Variants in IFNLR1 observed in about 807,000 individuals in gnomAD.
IFNLR1 encodes CRF2-12.
Under a neutral mutation model 52.5 loss-of-function variants are expected in IFNLR1, and 28 were observed. The observed-to-expected ratio is 0.53, with a 90% CI of 0.40 to 0.73. IFNLR1 has a LOEUF of 0.73. Among genes scored for constraint, IFNLR1 ranks in the 30% least tolerant of loss-of-function variants. The probability of loss-of-function intolerance (pLI) is 0.00; values close to 1 mark genes in which losing one functional copy is unlikely to be tolerated. For synonymous variants in IFNLR1, 276 were observed against 274.9 expected, an observed-to-expected ratio of 1.00 and a Z score of -0.04; for missense variants, 623 against 659.1, an observed-to-expected ratio of 0.95 and a Z score of 0.60.
chr1:24,162,876 T>TTTCCTTCCTTCC lies in IFNLR1; in HGVS notation c.368-1204_368-1193dup, dbSNP rs752104875. 5.1e-3 allele frequency among the ~76,000 whole-genome samples: 116 copies of TTTCCTTCCTTCC among 22,530 alleles called. 4 individuals are homozygous for TTTCCTTCCTTCC. Among genetic ancestry groups the TTTCCTTCCTTCC allele is most frequent in the African/African-American group, 8.2e-3 (41 of 5,002 alleles). 14.8% of individuals were successfully genotyped at this position (22,530 alleles called of 152,430 possible). A position where few individuals can be genotyped will look rare whatever the true frequency, so the allele number is the denominator to read the frequency against. ...CTTTCTTTCTTTCTTTCTTTCTTTC[T>TTTCCTTCCTTCC]TTCCTTCCTTCCTTCCTTCCTTCCT... is the stretch of plus-strand genomic sequence containing the variant. On this transcript the variant is annotated intron_variant, in intron 3 of 6. Transcript: ENST00000327535.
Position 24,187,172 on chromosome 1 carries a change from C to A in IFNLR1, c.58+19G>T. 1 of 1,360,484 alleles carries A rather than the reference C, an allele frequency of 7.4e-7. No homozygotes were observed. Among genetic ancestry groups the A allele is most frequent in the South Asian group, 1.6e-5 (1 of 60,866 alleles). The allele number at this position is 1,360,484 out of a possible 1,614,324, so 84.3% of individuals were successfully genotyped here. A position where few individuals can be genotyped will look rare whatever the true frequency, so the allele number is the denominator to read the frequency against. On this transcript the variant is annotated intron_variant, in intron 1 of 6. Coordinates refer to ENST00000327535, the MANE Select transcript of IFNLR1 (RefSeq NM_170743.4). ...GGGGAGCCCTCTTCCCCCTCCCTCC[C>A]GCGGCCCCGCGCCCTTACCTGGAGC...
chr1:24,158,539 T>G (rs1644406424), intron 6 of IFNLR1, among the ~76,000 whole-genome samples: 1 of 152,152 alleles, frequency 6.6e-6, no homozygotes, highest in South Asian at 2.1e-4. Context: ...AAGCTGCCCC[T>G]GCCAGCCCTC....
rs142227401 is a variant in IFNLR1, at chr1:24,174,432, G to C, written c.183-4831C>G. On this transcript the variant is annotated intron_variant, in intron 2 of 6. Coordinates refer to ENST00000327535, the MANE Select transcript of IFNLR1 (RefSeq NM_170743.4). ...AATGGGTAGAATCTTGAAGTTTGAA[G>C]TGCATGTTAGAGAAAGCCTATATTG... Among the ~76,000 whole-genome samples the C allele has an allele frequency of 4.4e-4, 67 of 152,308 alleles. No homozygotes were observed. In the South Asian group the frequency reaches 0.011, roughly 24 times the overall value.
At chr1:24,170,847 C>T (rs1644571802) in intron 2 of IFNLR1, among the ~76,000 whole-genome samples, 1 of 152,204 alleles carries the variant, frequency 6.6e-6, no homozygotes, top group South Asian at 2.1e-4. Flanking sequence ...TCAAGGATTG[C>T]TCCTGGGTTT....
intron 6 of IFNLR1, 131 bp downstream of exon 6, chr1:24,158,921 C>T: frequency 2.1e-6 from 2 of 974,732 alleles, no homozygotes; most frequent in Non-Finnish European, 3.1e-6. Flanking sequence ...GAAATTCAGA[C>T]ACAAAGATAG....
At position 24,154,197 on chromosome 1, in the gene IFNLR1, T is replaced by TAAA. The variant is rs1475378378; in HGVS notation, c.*2930_*2932dup. ...TTCTTTAAAAATAGAGCTCTTTATT[T>TAAA]AAACAGTTTAGGGTAATACCAACAA... On this transcript the variant is annotated 3_prime_UTR_variant, in exon 7 of 7. Transcript: ENST00000327535. 1.3e-5 allele frequency: 2 copies of TAAA among 152,202 alleles called. No homozygotes were observed. The highest frequency in any genetic ancestry group is 2.1e-4 in the South Asian group (1 of 4,826). 9.4% of individuals were successfully genotyped at this position (152,202 alleles called of 1,614,324 possible). A position where few individuals can be genotyped will look rare whatever the true frequency, so the allele number is the denominator to read the frequency against.
chr1:24,187,163 C>G, intron 1 of IFNLR1, 28 bp downstream of exon 1: 1 of 1,357,040 alleles, frequency 7.4e-7, no homozygotes, highest in Non-Finnish European at 9.6e-7. Flanking sequence ...CCCTCTTCCC[C>G]CTCCCTCCCG....
chr1:24,181,968 G>A (rs1644695056), intron 1 of IFNLR1, among the ~76,000 whole-genome samples: 1 of 152,170 alleles, frequency 6.6e-6, no homozygotes, highest in African/African-American at 2.4e-5. Flanking sequence ...GGAGGTCAAG[G>A]TGGGCAGATC....
At chr1:24,183,030 C>T (rs900143165) in intron 1 of IFNLR1, among the ~76,000 whole-genome samples, 10 of 152,186 alleles carry the variant, frequency 6.6e-5, no homozygotes, top group South Asian at 2.1e-4. Context: ...TCTGCAGGTT[C>T]ATCCAAGCCC....
rs935452669 is a variant in IFNLR1, at chr1:24,157,510, C to G, written c.1183G>C (p.Asp395His). ...GACCCAGCCCTGTCCCAGGAGGAGT[C>G]CACAGTGCTGGCCCAGCTTCTGTCT... ...SSDRSWASTV[D>H]SSWDRAGSSG... The change falls in exon 7 of 7, where the codon GAC (aspartate) becomes CAC (histidine). Residue 395 changes from aspartate (D) to histidine (H), a missense_variant. Physicochemically the swap from Asp to His is moderately conservative, Grantham distance 81. Transcript: ENST00000327535. The surrounding 1 kb of genome is among the most constrained non-coding windows in gnomAD (Gnocchi z 5.1). The G allele has an allele frequency of 2.2e-5, 35 of 1,611,954 alleles. No homozygotes were observed. The Admixed American group carries it at 2.2e-4, about 10-fold the overall frequency.
In IFNLR1 at chr1:24,157,940, GC is replaced by G. The variant is rs745810173; in HGVS notation, c.802-50del. On this transcript the variant is annotated intron_variant, in intron 6 of 6. Transcript: ENST00000327535. This position sits in a 1 kb window ranked among gnomAD's most constrained non-coding sequence, Gnocchi z 5.1. ...AGCAGAAAATTTAGGCTTTCCTGAA[GC>G]ATAATTATCATCATCTGAATTCCCC... 1 of 1,486,494 alleles carries G rather than the reference GC, an allele frequency of 6.7e-7. No individual in the cohort carries two copies. The highest frequency in any genetic ancestry group is 9.0e-7 in the Non-Finnish European group (1 of 1,112,742). The allele number at this position is 1,486,494 out of a possible 1,614,324, so 92.1% of individuals were successfully genotyped here.
chr1:24,157,885 A>T lies in IFNLR1; in HGVS notation c.808T>A (p.Ser270Thr), dbSNP rs760801237. ...RAKMPRALDF[S>T]GHTHPVATFQ... ...GTTGCCACAGGGTGTGTGTGTCCAG[A>T]AAAGTCCTGATTTGGGTAGGGGAGA... is the stretch of plus-strand genomic sequence containing the variant. The change falls in exon 7 of 7, where the codon TCT becomes ACT. Residue 270 changes from serine to threonine, a missense_variant. Coordinates refer to ENST00000327535, the MANE Select transcript of IFNLR1 (RefSeq NM_170743.4). The surrounding 1 kb of genome is among the most constrained non-coding windows in gnomAD (Gnocchi z 5.1). The T allele has an allele frequency of 6.4e-7, 1 of 1,572,574 alleles. No individual in the cohort carries two copies. The highest frequency in any genetic ancestry group is 1.2e-5 in the South Asian group (1 of 84,866).
chr1:24,157,154 T>TGTCC lies in IFNLR1; in HGVS notation c.1535_1538dup (p.Leu514AspfsTer19), dbSNP rs1416948065. The stretch of plus-strand genomic sequence containing the variant: ...CTCACCTGGCCATGTAATGCCCCAA[T>TGTCC]GTCCGGCCCCTGTCCTCGGTCCTCT... On this transcript the variant is annotated frameshift_variant, in exon 7 of 7. Coordinates refer to ENST00000327535, the MANE Select transcript of IFNLR1 (RefSeq NM_170743.4). LOFTEE classifies it high-confidence loss of function. This position sits in a 1 kb window ranked among gnomAD's most constrained non-coding sequence, Gnocchi z 5.1. 1 of 1,612,642 alleles carries TGTCC rather than the reference T, an allele frequency of 6.2e-7. No homozygotes were observed. Among genetic ancestry groups the TGTCC allele is most frequent in the Non-Finnish European group, 8.5e-7 (1 of 1,179,528 alleles).
At chr1:24,187,099 G>T in intron 1 of IFNLR1, 92 bp downstream of exon 1, 1 of 831,098 alleles carries the variant, frequency 1.2e-6, no homozygotes. Flanking sequence ...TGCGGACCCC[G>T]TGCCTGTCCC....
intron 2 of IFNLR1, among the ~76,000 whole-genome samples, chr1:24,178,094 G>T (rs1383670222): frequency 6.6e-6 from 1 of 152,118 alleles, no homozygotes; most frequent in Non-Finnish European, 1.5e-5. Flanking sequence ...ACACCAGCCT[G>T]GCCAACATGG....
At chr1:24,184,990 G>C (rs1644723142) in intron 1 of IFNLR1, among the ~76,000 whole-genome samples, 1 of 152,138 alleles carries the variant, frequency 6.6e-6, no homozygotes, top group Non-Finnish European at 1.5e-5. Context: ...CTGCACTCCA[G>C]CCTGGGTGAC....
intron 3 of IFNLR1, among the ~76,000 whole-genome samples, chr1:24,165,665 TC>T (rs1644511687): frequency 6.6e-6 from 1 of 152,202 alleles, no homozygotes; most frequent in Non-Finnish European, 1.5e-5. Context: ...CTTCCCTGAT[TC>T]CCAGCCAGCA....
intron 3 of IFNLR1, among the ~76,000 whole-genome samples, chr1:24,164,497 T>C (rs1644497728): frequency 6.6e-6 from 1 of 152,212 alleles, no homozygotes; most frequent in African/African-American, 2.4e-5. Flanking sequence ...ATCCACTGCA[T>C]TATTAGATAA....
chr1:24,174,495 G>C (rs1644612423), intron 2 of IFNLR1, among the ~76,000 whole-genome samples: 1 of 152,118 alleles, frequency 6.6e-6, no homozygotes, highest in Admixed American at 6.6e-5. Context: ...AGACATTAAA[G>C]GTGATTCTGG....
Sources: allele counts gnomAD v4.1 joint callset (sites outside exome capture counted in the v4.1 genomes callset), GRCh38; gene constraint gnomAD v4.1.1; non-coding constraint Gnocchi (gnomAD v3.1); transcripts MANE v1.5; gene names NCBI Gene and HGNC (gene_info 2026-07-23, HGNC 2026-07-21).